HMGN5: variants seen among roughly 807,000 people sequenced by gnomAD.
HMGN5 encodes the protein high mobility group nucleosome binding domain 5.
A neutral mutation model predicts 9.5 loss-of-function variants in HMGN5; 4 were observed. The observed-to-expected ratio is 0.42, with a 90% CI of 0.21 to 0.96. The LOEUF (loss-of-function observed/expected upper bound fraction) is 0.96, where lower values mean the gene tolerates loss of function less well. HMGN5 is among the 40% of genes least tolerant of loss of function. The probability of loss-of-function intolerance (pLI) is 0.30; values close to 1 mark genes in which losing one functional copy is unlikely to be tolerated. For synonymous variants in HMGN5, 55 were observed against 57.1 expected (o/e 0.96, Z 0.16); for missense variants, 192 against 187.5 (o/e 1.02, Z -0.14).
chrX:81,141,112 T>A (rs1227302297), intron 1 of HMGN5, among the ~76,000 whole-genome samples: 1 of 111,527 alleles, frequency 9.0e-6, no homozygotes, highest in African/African-American at 3.3e-5. Context: ...AAGGACTGCA[T>A]CTTATGGTTT....
Position 81,127,721 on chromosome X carries a change from C to T in HMGN5, c.-123-6049G>A, listed in dbSNP as rs753845378. On this transcript the variant is annotated intron_variant, in intron 1 of 6. Transcript: ENST00000358130. ...ACTGGAGCTTGCTTTAACTTAGACA[C>T]ATTTAAGGTGAGATAAAATGATGTT... Among the ~76,000 whole-genome samples the T allele has an allele frequency of 2.7e-5, 3 of 111,368 alleles. No individual in the cohort carries two copies. The South Asian group carries it at 1.1e-3, about 41-fold the overall frequency.
chrX:81,145,089 G>A (rs5959077), intron 1 of HMGN5, among the ~76,000 whole-genome samples: 5,017 of 111,631 alleles, frequency 0.045, 283 homozygotes, highest in African/African-American at 0.16. Context: ...GATATTATCC[G>A]GGAGAACTTC....
intron 1 of HMGN5, among the ~76,000 whole-genome samples, chrX:81,125,161 G>A (rs112787998): frequency 0.059 from 6,346 of 107,518 alleles, 207 homozygotes; most frequent in Non-Finnish European, 0.097. Flanking sequence ...CAAAAATACT[G>A]ATTGACTAGT....
At chrX:81,174,156 T>C (rs1481333100) in intron 1 of HMGN5, among the ~76,000 whole-genome samples, 2 of 111,599 alleles carry the variant, frequency 1.8e-5, no homozygotes, top group African/African-American at 6.5e-5. Context: ...ATTACACTTA[T>C]GTGTTTATCC....
At chrX:81,147,771 A>C (rs926707055) in intron 1 of HMGN5, among the ~76,000 whole-genome samples, 1 of 112,363 alleles carries the variant, frequency 8.9e-6, no homozygotes, top group African/African-American at 3.2e-5. Context: ...GCTGATAAGC[A>C]ACTTCAGCAA....
intron 1 of HMGN5, among the ~76,000 whole-genome samples, chrX:81,139,793 T>C (rs890709274): frequency 1.3e-4 from 15 of 111,927 alleles, no homozygotes; most frequent in Non-Finnish European, 2.3e-4. Context: ...GAGGGAGCAT[T>C]TAAACCAGCC....
rs1344180409 is a variant in HMGN5, at chrX:81,123,193, T to C, written c.-123-1521A>G. Among the ~76,000 whole-genome samples, 4 of 110,479 alleles carry C rather than the reference T, an allele frequency of 3.6e-5. No individual in the cohort carries two copies. In the East Asian group the frequency reaches 1.1e-3, roughly 31 times the overall value. On this transcript the variant is annotated intron_variant, in intron 1 of 6. Transcript: ENST00000358130. ...GTAATTATTATATTTACTATTGCTA[T>C]ATTATTTTTATTTTGTTATATATTT...
chrX:81,152,678 T>G (rs375148799), intron 1 of HMGN5, among the ~76,000 whole-genome samples: 1 of 110,390 alleles, frequency 9.1e-6, no homozygotes, highest in South Asian at 3.9e-4. Context: ...TCATGCTGCT[T>G]TAAAGACACA....
chrX:81,156,520 T>G (rs1176041562), intron 1 of HMGN5, among the ~76,000 whole-genome samples: 3 of 112,270 alleles, frequency 2.7e-5, no homozygotes, highest in African/African-American at 9.7e-5. Context: ...CAGTGAGACC[T>G]TTCCTGATGA....
chrX:81,145,598 T>G (rs111424619), intron 1 of HMGN5, among the ~76,000 whole-genome samples: 4,966 of 111,238 alleles, frequency 0.045, 284 homozygotes, highest in African/African-American at 0.15. Flanking sequence ...ATCAACTAAT[T>G]GGCAAAATAA....
intron 1 of HMGN5, among the ~76,000 whole-genome samples, chrX:81,171,504 T>C (rs1050664150): frequency 9.0e-6 from 1 of 111,440 alleles, no homozygotes; most frequent in Non-Finnish European, 1.9e-5. Flanking sequence ...ACAACATAAT[T>C]TACTCAGTTA....
chrX:81,115,303 T>C, intron 6 of HMGN5, 73 bp from the exon 7 acceptor site: 5 of 1,010,915 alleles, frequency 4.9e-6, no homozygotes, highest in Non-Finnish European at 6.4e-6. Context: ...ATATTTACAC[T>C]GGATTATATC....
At chrX:81,135,916 A>G (rs2075309888) in intron 1 of HMGN5, among the ~76,000 whole-genome samples, 1 of 111,312 alleles carries the variant, frequency 9.0e-6, no homozygotes, top group South Asian at 3.8e-4. Flanking sequence ...GTTAGTCCTC[A>G]TGAAACTGAA....
At chrX:81,169,359 A>G (rs1278543652) in intron 1 of HMGN5, among the ~76,000 whole-genome samples, 2 of 111,825 alleles carry the variant, frequency 1.8e-5, no homozygotes, top group East Asian at 5.6e-4. Flanking sequence ...CATGTACTAT[A>G]AAGTTTTTTT....
intron 1 of HMGN5, among the ~76,000 whole-genome samples, chrX:81,181,482 A>G (rs771936254): frequency 1.6e-4 from 18 of 111,265 alleles, no homozygotes; most frequent in Admixed American, 8.6e-4. Flanking sequence ...TCAGTTTTTG[A>G]AAAAGGTATA....
rs183421072 is a variant in HMGN5 at position 81,133,980 on chromosome X, A to G, written c.-123-12308T>C. Among the ~76,000 whole-genome samples, 105 of 111,712 alleles carry G rather than the reference A, an allele frequency of 9.4e-4. 1 individual carries two copies. The East Asian group carries it at 0.023, about 25-fold the overall frequency. On this transcript the variant is annotated intron_variant, in intron 1 of 6. Transcript: ENST00000358130. The stretch of plus-strand genomic sequence containing the variant: ...GAGGTTTAGGTTTTTAGTAAATTGA[A>G]TTTCCATTATGTTTTTATTATAATG...
intron 1 of HMGN5, among the ~76,000 whole-genome samples, chrX:81,154,626 G>T (rs777878902): frequency 7.2e-5 from 8 of 110,776 alleles, no homozygotes; most frequent in Non-Finnish European, 1.5e-4. Flanking sequence ...TCTGACAAGG[G>T]ATTCATAACC....
intron 1 of HMGN5, among the ~76,000 whole-genome samples, chrX:81,191,070 A>T (rs193184402): frequency 1.6e-3 from 182 of 111,451 alleles, no homozygotes; most frequent in Middle Eastern, 9.2e-3. Context: ...AAACATTTTT[A>T]TTTCCCATGT....
intron 1 of HMGN5, among the ~76,000 whole-genome samples, chrX:81,196,153 G>A (rs981376828): frequency 1.9e-4 from 21 of 111,119 alleles, no homozygotes; most frequent in African/African-American, 6.6e-4. Flanking sequence ...CCTCCAATGT[G>A]CGGTAATTTT....
Sources: allele counts gnomAD v4.1 joint callset (sites outside exome capture counted in the v4.1 genomes callset), GRCh38; gene constraint gnomAD v4.1.1; transcripts MANE v1.5; gene names NCBI Gene and HGNC (gene_info 2026-07-23, HGNC 2026-07-21).